Variants in DUSP10 observed in about 807,000 individuals in gnomAD.
DUSP10 encodes dual specificity protein phosphatase 10.
In DUSP10, 14 loss-of-function variants were observed where a neutral mutation model predicts 30.8. The ratio of observed to expected loss-of-function variants is 0.46; its 90% CI spans 0.30 to 0.71. DUSP10 has a LOEUF of 0.71. DUSP10 is among the 30% of genes least tolerant of loss of function. The probability of loss-of-function intolerance (pLI) is 0.08; values close to 1 mark genes in which losing one functional copy is unlikely to be tolerated. For missense variants in DUSP10, 550 were observed against 619.4 expected, an observed-to-expected ratio of 0.89 and a Z score of 1.19; for synonymous variants, 254 against 250.4, an observed-to-expected ratio of 1.01 and a Z score of -0.14.
chr1:221,701,912 C>T lies in DUSP10; in HGVS notation c.*500G>A, dbSNP rs1447560778. On this transcript the variant is annotated 3_prime_UTR_variant, in exon 4 of 4. Coordinates refer to ENST00000366899, the MANE Select transcript of DUSP10 (RefSeq NM_007207.6). Reference sequence around the variant, plus strand: ...AAGGATTCTTAGACCACTTAAGCTGCCCTGATCTTCTCTTTGCACCAGTGA... The same window carrying T: ...AAGGATTCTTAGACCACTTAAGCTGTCCTGATCTTCTCTTTGCACCAGTGA... 6.5e-6 allele frequency: 1 copy of T among 152,908 alleles called. No homozygotes were observed. The highest frequency in any genetic ancestry group is 2.4e-5 in the African/African-American group (1 of 41,408). 9.5% of individuals were successfully genotyped at this position (152,908 alleles called of 1,614,324 possible).
chr1:221,738,847 G>T, intron 2 of DUSP10, 87 bp downstream of exon 2: 5 of 1,486,954 alleles, frequency 3.4e-6, no homozygotes, highest in Admixed American at 2.2e-5. Context: ...GGTAGCCAGG[G>T]TAAGGAGAAT....
At chr1:221,732,825 C>T (rs1661657090) in intron 2 of DUSP10, among the ~76,000 whole-genome samples, 1 of 152,172 alleles carries the variant, frequency 6.6e-6, no homozygotes, top group Non-Finnish European at 1.5e-5. Context: ...GCTTTCTGGA[C>T]ACACGAACTG....
At chr1:221,709,647 C>A (rs557428121) in intron 2 of DUSP10, among the ~76,000 whole-genome samples, 2 of 152,244 alleles carry the variant, frequency 1.3e-5, no homozygotes, top group South Asian at 4.1e-4. Flanking sequence ...AAAACTCTCT[C>A]TGTGGACGGT....
Position 221,739,490 on chromosome 1 carries a change from G to C in DUSP10, c.255C>G (p.Thr85=). 1 of 1,614,210 alleles carries C rather than the reference G, an allele frequency of 6.2e-7. No individual in the cohort carries two copies. Among genetic ancestry groups the C allele is most frequent in the South Asian group, 1.1e-5 (1 of 91,078 alleles). The change falls in exon 2 of 4, where the codon ACC becomes ACG. Residue 85 remains threonine, a synonymous_variant. Coordinates refer to ENST00000366899, the MANE Select transcript of DUSP10 (RefSeq NM_007207.6). ...CSSASCCTVA[T]YDKDNQAQTQ... ...TTTGGGCCTGATTGTCCTTGTCGTA[G>C]GTTGCCACAGTGCAGCAGCTGGCAC...
intron 2 of DUSP10, among the ~76,000 whole-genome samples, chr1:221,722,561 A>G (rs570557530): frequency 6.6e-6 from 1 of 152,356 alleles, no homozygotes; most frequent in East Asian, 1.9e-4. Flanking sequence ...TTTCTTTTTG[A>G]AAGAGGCTTC....
chr1:221,734,233 T>C (rs538534277), intron 2 of DUSP10, among the ~76,000 whole-genome samples: 17 of 152,362 alleles, frequency 1.1e-4, no homozygotes, highest in African/African-American at 4.1e-4. Flanking sequence ...TTGGACAGAA[T>C]TATTATCATG....
chr1:221,703,224 T>C (rs529491327), intron 3 of DUSP10, among the ~76,000 whole-genome samples: 85 of 152,188 alleles, frequency 5.6e-4, no homozygotes, highest in African/African-American at 1.9e-3. Flanking sequence ...TGTGTGTATA[T>C]ATATATATAT....
At chr1:221,708,533 GA>G (rs748447437) in intron 2 of DUSP10, among the ~76,000 whole-genome samples, 10 of 152,082 alleles carry the variant, frequency 6.6e-5, no homozygotes, top group Non-Finnish European at 1.3e-4. Flanking sequence ...TTTTTGAAAA[GA>G]AAAACAAGAG....
At chr1:221,735,459 G>A (rs1661738167) in intron 2 of DUSP10, among the ~76,000 whole-genome samples, 1 of 152,172 alleles carries the variant, frequency 6.6e-6, no homozygotes, top group Non-Finnish European at 1.5e-5. Flanking sequence ...AATGTTCATA[G>A]TATACTATAA....
intron 2 of DUSP10, among the ~76,000 whole-genome samples, chr1:221,735,861 T>C (rs1661750199): frequency 6.6e-6 from 1 of 152,246 alleles, no homozygotes; most frequent in Non-Finnish European, 1.5e-5. Flanking sequence ...ACTTTCTTAC[T>C]CAGTTTGACT....
intron 1 of DUSP10, among the ~76,000 whole-genome samples, chr1:221,741,717 AT>A (rs1298037364): frequency 4.0e-5 from 6 of 150,730 alleles, no homozygotes; most frequent in Non-Finnish European, 8.9e-5. Flanking sequence ...AACAAACCTC[AT>A]TTTTTCTTCG....
intron 2 of DUSP10, among the ~76,000 whole-genome samples, chr1:221,736,484 T>C (rs1256974221): frequency 6.6e-6 from 1 of 152,008 alleles, no homozygotes; most frequent in Non-Finnish European, 1.5e-5. Flanking sequence ...ATTACTCAAA[T>C]AAATCTGAGA....
intron 2 of DUSP10, among the ~76,000 whole-genome samples, chr1:221,727,744 A>C (rs906312433): frequency 6.6e-6 from 1 of 152,184 alleles, no homozygotes; most frequent in Non-Finnish European, 1.5e-5. Flanking sequence ...AAAATTGATT[A>C]CTTTTATATT....
chr1:221,728,114 C>T (rs560904078), intron 2 of DUSP10, among the ~76,000 whole-genome samples: 1 of 152,324 alleles, frequency 6.6e-6, no homozygotes, highest in African/African-American at 2.4e-5. Context: ...TACACACTTG[C>T]TCATCATGTG....
chr1:221,736,257 G>T (rs1011277678), intron 2 of DUSP10, among the ~76,000 whole-genome samples: 1 of 152,184 alleles, frequency 6.6e-6, no homozygotes, highest in African/African-American at 2.4e-5. Flanking sequence ...GTAGCAACCA[G>T]TGTTTACAAA....
chr1:221,736,828 T>G, intron 2 of DUSP10: 1 of 985,400 alleles, frequency 1.0e-6, no homozygotes, highest in Non-Finnish European at 1.2e-6. Flanking sequence ...CCCCCAAAAC[T>G]ACAAATAATC....
At chr1:221,721,443 C>A (rs1190489250) in intron 2 of DUSP10, among the ~76,000 whole-genome samples, 1 of 152,208 alleles carries the variant, frequency 6.6e-6, no homozygotes, top group Non-Finnish European at 1.5e-5. Flanking sequence ...CTGAACAATG[C>A]CATCCAGCTG....
At chr1:221,714,805 A>G (rs1017194348) in intron 2 of DUSP10, among the ~76,000 whole-genome samples, 1 of 152,092 alleles carries the variant, frequency 6.6e-6, no homozygotes, top group African/African-American at 2.4e-5. Flanking sequence ...TTGGTGTGAG[A>G]CAACGAACCC....
chr1:221,710,189 C>T (rs766090135), intron 2 of DUSP10, among the ~76,000 whole-genome samples: 6 of 152,208 alleles, frequency 3.9e-5, no homozygotes, highest in Non-Finnish European at 5.9e-5. Flanking sequence ...TTATTACCCC[C>T]AATATCATCA....
Sources: allele counts gnomAD v4.1 joint callset (sites outside exome capture counted in the v4.1 genomes callset), GRCh38; gene constraint gnomAD v4.1.1; transcripts MANE v1.5; gene names NCBI Gene and HGNC (gene_info 2026-07-23, HGNC 2026-07-21).